Variants in LOC728743 observed in about 807,000 individuals in gnomAD.
the LOC728743 span, chr7:150,407,648 G>A: frequency 7.5e-6 from 3 of 399,012 alleles, no homozygotes; most frequent in Non-Finnish European, 1.3e-5. Flanking sequence ...CGGGTCCCCT[G>A]CGGGGGACGG....
chr7:150,401,999 C>A, the LOC728743 span, among the ~76,000 whole-genome samples: 1 of 152,148 alleles, frequency 6.6e-6, no homozygotes. Context: ...TCAATTCTGG[C>A]TTTGTCATTT....
the LOC728743 span, chr7:150,407,610 C>A: frequency 5.0e-6 from 2 of 398,692 alleles, no homozygotes; most frequent in Admixed American, 8.8e-5. Context: ...CTGGAAGTGC[C>A]CATGACCGAG....
At chr7:150,401,494 A>C in the LOC728743 span, among the ~76,000 whole-genome samples, 1 of 152,366 alleles carries the variant, frequency 6.6e-6, no homozygotes, top group African/African-American at 2.4e-5. Context: ...AATTTAGTAA[A>C]GAAATATCTT....
At chr7:150,402,200 AC>A in the LOC728743 span, among the ~76,000 whole-genome samples, 1 of 152,232 alleles carries the variant, frequency 6.6e-6, no homozygotes, top group Non-Finnish European at 1.5e-5. Flanking sequence ...TAAAGAATTA[AC>A]CATCTCCAGT....
the LOC728743 span, among the ~76,000 whole-genome samples, chr7:150,402,579 C>G: frequency 6.6e-6 from 1 of 152,238 alleles, no homozygotes; most frequent in East Asian, 1.9e-4. Flanking sequence ...AGTCCCTGCC[C>G]TTTGAAGTTC....
the LOC728743 span, chr7:150,410,489 G>A: frequency 1.5e-5 from 5 of 327,328 alleles, no homozygotes; most frequent in Non-Finnish European, 2.8e-5. Flanking sequence ...TGGAGAGCTG[G>A]CTTCTCTGCT....
chr7:150,408,730 C>T, the LOC728743 span, among the ~76,000 whole-genome samples: 1 of 152,266 alleles, frequency 6.6e-6, no homozygotes, highest in Non-Finnish European at 1.5e-5. Context: ...CTCCTGTACA[C>T]ACTCTCTGCT....
chr7:150,404,802 A>G, the LOC728743 span: 2 of 152,306 alleles, frequency 1.3e-5, no homozygotes, highest in Admixed American at 6.5e-5. Context: ...CAGGCCATAT[A>G]GTCAGGCAGA....
At chr7:150,404,212 G>C in the LOC728743 span, among the ~76,000 whole-genome samples, 1 of 152,222 alleles carries the variant, frequency 6.6e-6, no homozygotes, top group African/African-American at 2.4e-5. Flanking sequence ...TCTACTACTT[G>C]TGACTTTTAA....
At chr7:150,400,948 G>A in the LOC728743 span, 1 of 152,244 alleles carries the variant, frequency 6.6e-6, no homozygotes, top group East Asian at 1.9e-4. Context: ...AGACTTTAAA[G>A]GATTTAGATC....
At chr7:150,408,895 C>G in the LOC728743 span, among the ~76,000 whole-genome samples, 9 of 152,132 alleles carry the variant, frequency 5.9e-5, no homozygotes, top group Non-Finnish European at 1.2e-4. Context: ...TTCTGCCACA[C>G]CATGTGCCAC....
the LOC728743 span, chr7:150,405,527 G>C: frequency 1.3e-5 from 2 of 151,172 alleles, no homozygotes; most frequent in Non-Finnish European, 3.0e-5. Context: ...TGCGGCCGTG[G>C]GGGGTGGGCT....
chr7:150,402,209 A>G, the LOC728743 span, among the ~76,000 whole-genome samples: 1 of 152,246 alleles, frequency 6.6e-6, no homozygotes, highest in Non-Finnish European at 1.5e-5. Flanking sequence ...AACCATCTCC[A>G]GTGTGAAGCA....
chr7:150,410,213 C>G, the LOC728743 span: 88 of 398,656 alleles, frequency 2.2e-4, no homozygotes, highest in African/African-American at 1.6e-3. Flanking sequence ...CATCTGGACA[C>G]GGAGACCAGG....
the LOC728743 span, among the ~76,000 whole-genome samples, chr7:150,409,554 C>T: frequency 2.6e-5 from 4 of 152,184 alleles, no homozygotes; most frequent in Admixed American, 6.5e-5. Flanking sequence ...AGGGGTACAA[C>T]AGGTGGAAGC....
the LOC728743 span, chr7:150,405,881 G>A: frequency 6.6e-6 from 1 of 152,342 alleles, no homozygotes; most frequent in Admixed American, 6.5e-5. Context: ...CCGGAGACCG[G>A]AGGAGCAGGG....
the LOC728743 span, among the ~76,000 whole-genome samples, chr7:150,402,140 G>A: frequency 6.6e-6 from 1 of 152,174 alleles, no homozygotes. Context: ...GAGCAATTGT[G>A]CCCATGGAAA....
At chr7:150,406,631 G>A in the LOC728743 span, among the ~76,000 whole-genome samples, 4 of 152,108 alleles carry the variant, frequency 2.6e-5, no homozygotes, top group Non-Finnish European at 4.4e-5. Flanking sequence ...ACCCTGCTCC[G>A]CCCCTTTCTC....
the LOC728743 span, among the ~76,000 whole-genome samples, chr7:150,408,668 G>C: frequency 2.6e-5 from 4 of 152,202 alleles, no homozygotes; most frequent in African/African-American, 9.6e-5. Flanking sequence ...GAGACTTGGA[G>C]AGGCCACTTT....
Sources: allele counts gnomAD v4.1 joint callset (sites outside exome capture counted in the v4.1 genomes callset), GRCh38; gene constraint gnomAD v4.1.1; transcripts MANE v1.5.